The following FNDC3A variants were observed in gnomAD, a reference collection of about 807,000 sequenced individuals.
FNDC3A encodes the protein fibronectin type-III domain-containing protein 3A.
Under a neutral mutation model 148.9 loss-of-function variants are expected in FNDC3A, and 32 were observed. The observed-to-expected ratio is 0.21, with a 90% CI of 0.16 to 0.29. The LOEUF is 0.29. FNDC3A is among the 10% of genes least tolerant of loss of function. The pLI, the probability that FNDC3A is intolerant of heterozygous loss-of-function variation, is 1.00. For missense variants in FNDC3A, 1,191 were observed against 1,452.8 expected (o/e 0.82, Z 2.93); for synonymous variants, 472 against 473.6 (o/e 1.00, Z 0.04).
At chr13:49,177,384 G>C (rs574229804) in intron 13 of FNDC3A, among the ~76,000 whole-genome samples, 13 of 152,148 alleles carry the variant, frequency 8.5e-5, no homozygotes, top group Admixed American at 1.3e-4. Context: ...CCTGAATCTA[G>C]TTACACATCA....
intron 14 of FNDC3A, among the ~76,000 whole-genome samples, chr13:49,181,301 T>A (rs1042907091): frequency 6.6e-6 from 1 of 152,232 alleles, no homozygotes; most frequent in African/African-American, 2.4e-5. Flanking sequence ...TCTGGCTTAT[T>A]AAGATGTGGA....
chr13:48,978,242 A>AATT (rs1391248495), intron 1 of FNDC3A, among the ~76,000 whole-genome samples: 1 of 152,056 alleles, frequency 6.6e-6, no homozygotes, highest in Non-Finnish European at 1.5e-5. Context: ...CTAATTTAAA[A>AATT]ATTTCTCCCT....
intron 1 of FNDC3A, among the ~76,000 whole-genome samples, chr13:48,979,197 G>A (rs1951656463): frequency 6.6e-6 from 1 of 152,152 alleles, no homozygotes; most frequent in Non-Finnish European, 1.5e-5. Flanking sequence ...GCAGGGTGAT[G>A]CAATGTTATT....
At chr13:49,020,613 C>G (rs1447698439) in intron 2 of FNDC3A, among the ~76,000 whole-genome samples, 1 of 152,218 alleles carries the variant, frequency 6.6e-6, no homozygotes, top group Admixed American at 6.5e-5. Flanking sequence ...TTGCTGATCT[C>G]CATTCCATTT....
At chr13:49,200,258 C>T (rs1455363589) in intron 23 of FNDC3A, among the ~76,000 whole-genome samples, 1 of 152,150 alleles carries the variant, frequency 6.6e-6, no homozygotes, top group African/African-American at 2.4e-5. Context: ...TACATAACCA[C>T]TCTCTATCAG....
intron 2 of FNDC3A, among the ~76,000 whole-genome samples, chr13:49,019,506 AC>A (rs1451008160): frequency 2.6e-5 from 4 of 151,894 alleles, no homozygotes; most frequent in Non-Finnish European, 5.9e-5. Context: ...ACTGTCTGGC[AC>A]TCCCTAGTGA....
In FNDC3A at chr13:49,198,192, G is replaced by A; in HGVS notation, c.2701G>A (p.Asp901Asn). Residue 901 changes from aspartate (D) to asparagine (N), a missense_variant, in exon 22 of 26, where the codon GAT (aspartate) becomes AAT (asparagine). This residue lies in a region of FNDC3A where 751 missense variants were observed against 944.0 expected (regional missense o/e 0.80). Transcript: ENST00000492622. ...EILAYSIDFG[D>N]KQSLTVGKVT... ...CCTTGCCTACAGCATAGACTTTGGAGATAAACAATCCCTAACAGTGGGAAA... is the reference window on the plus strand; with the variant it reads ...CCTTGCCTACAGCATAGACTTTGGAAATAAACAATCCCTAACAGTGGGAAA... 6.2e-7 allele frequency: 1 copy of A among 1,614,104 alleles called. No individual in the cohort carries two copies. Among genetic ancestry groups the A allele is most frequent in the Non-Finnish European group, 8.5e-7 (1 of 1,179,996 alleles).
At chr13:49,102,147 A>AT (rs910262141) in intron 3 of FNDC3A, among the ~76,000 whole-genome samples, 1 of 150,392 alleles carries the variant, frequency 6.6e-6, no homozygotes, top group Non-Finnish European at 1.5e-5. Context: ...TTTTTTCTTG[A>AT]TTTTTTTAAG....
At chr13:49,008,277 G>A (rs1264646634) in intron 2 of FNDC3A, among the ~76,000 whole-genome samples, 1 of 152,106 alleles carries the variant, frequency 6.6e-6, no homozygotes, top group Non-Finnish European at 1.5e-5. Flanking sequence ...TAGAATGTAA[G>A]GGACTATATA....
chr13:49,111,725 C>CA (rs1231985235), intron 3 of FNDC3A, among the ~76,000 whole-genome samples: 6,419 of 82,898 alleles, frequency 0.077, 215 homozygotes, highest in African/African-American at 0.13. Flanking sequence ...AACTCCGTCT[C>CA]AAAAAAAAAA....
chr13:49,197,835 A>G lies in FNDC3A; in HGVS notation c.2451A>G (p.Lys817=). The part of the protein sequence containing the change: ...YCGPGLSYEI[K]GLSPATTYYC... ...GGCCTGGTCTCAGTTATGAAATAAA[A>G]GGACTTTCACCAGCAACTACCTATT... Residue 817 remains lysine (K), a synonymous_variant, in exon 21 of 26, where the codon AAA becomes AAG. Coordinates refer to ENST00000492622, the MANE Select transcript of FNDC3A (RefSeq NM_001079673.2). 1 of 1,607,324 alleles carries G rather than the reference A, an allele frequency of 6.2e-7. No homozygotes were observed. The highest frequency in any genetic ancestry group is 8.5e-7 in the Non-Finnish European group (1 of 1,178,506).
At chr13:49,158,315 C>T (rs564349082) in intron 8 of FNDC3A, among the ~76,000 whole-genome samples, 3 of 152,308 alleles carry the variant, frequency 2.0e-5, no homozygotes, top group African/African-American at 4.8e-5. Flanking sequence ...TTCTTTGACT[C>T]GGAAAGGGAA....
chr13:49,123,663 C>A (rs1226803882), intron 4 of FNDC3A, among the ~76,000 whole-genome samples: 3 of 150,048 alleles, frequency 2.0e-5, no homozygotes, highest in Non-Finnish European at 1.5e-5. Context: ...AAAAAAAAAA[C>A]CAACCCCATC....
intron 7 of FNDC3A, among the ~76,000 whole-genome samples, chr13:49,139,171 CAG>C (rs1384412312): frequency 1.3e-5 from 2 of 152,040 alleles, no homozygotes; most frequent in African/African-American, 2.4e-5. Flanking sequence ...ATAGAGCAAT[CAG>C]GGAAGCTTTC....
chr13:49,161,826 C>T (rs909613054), intron 8 of FNDC3A, among the ~76,000 whole-genome samples: 2 of 152,088 alleles, frequency 1.3e-5, no homozygotes, highest in African/African-American at 4.8e-5. Flanking sequence ...TCAGGATTTG[C>T]TTGTAAATTT....
intron 2 of FNDC3A, chr13:49,044,041 C>T (rs1264787786): frequency 6.4e-6 from 1 of 156,710 alleles, no homozygotes; most frequent in African/African-American, 2.4e-5. Context: ...TAAAATGAAT[C>T]CCTTAAGTTG....
intron 7 of FNDC3A, among the ~76,000 whole-genome samples, chr13:49,139,691 G>A (rs895758026): frequency 1.1e-4 from 17 of 152,118 alleles, no homozygotes; most frequent in African/African-American, 3.9e-4. Flanking sequence ...GAGCATATAT[G>A]TGTAAATAAA....
intron 3 of FNDC3A, among the ~76,000 whole-genome samples, chr13:49,103,380 G>T (rs1037297804): frequency 6.6e-6 from 1 of 152,246 alleles, no homozygotes; most frequent in African/African-American, 2.4e-5. Flanking sequence ...GACAAGGATA[G>T]ACTGGTATTT....
chr13:49,106,773 C>CAAAAAAAAAAAAAAAAAAAAAACAAAAA (rs543962565), intron 3 of FNDC3A, among the ~76,000 whole-genome samples: 1 of 79,874 alleles, frequency 1.3e-5, no homozygotes, highest in Non-Finnish European at 2.3e-5. Flanking sequence ...TGAATGAAAG[C>CAAAAAAAAAAAAAAAAAAAAAACAAAAA]AAAAAAAAAA....
Sources: allele counts gnomAD v4.1 joint callset (sites outside exome capture counted in the v4.1 genomes callset), GRCh38; gene constraint gnomAD v4.1.1; regional missense constraint gnomAD v4.1.1; transcripts MANE v1.5; gene names NCBI Gene and HGNC (gene_info 2026-07-23, HGNC 2026-07-21).